The following SCNN1B variants were observed in gnomAD, a reference collection of about 807,000 sequenced individuals.
The protein encoded by SCNN1B is epithelial sodium channel subunit beta.
Under a neutral mutation model 65.3 loss-of-function variants are expected in SCNN1B, and 46 were observed. The ratio of observed to expected loss-of-function variants is 0.70; its 90% CI spans 0.56 to 0.90. The LOEUF (loss-of-function observed/expected upper bound fraction) is 0.90. Ranked by LOEUF, SCNN1B falls within the 40% of genes least tolerant of loss-of-function variation. The pLI is 0.00. For synonymous variants in SCNN1B, 349 were observed against 330.6 expected, an observed-to-expected ratio of 1.06 and a Z score of -0.60; for missense variants, 751 against 830.5, an observed-to-expected ratio of 0.90 and a Z score of 1.18.
At chr16:23,282,090 A>G (rs190660223) in intron 1 of SCNN1B, among the ~76,000 whole-genome samples, 1 of 152,098 alleles carries the variant, frequency 6.6e-6, no homozygotes, top group Non-Finnish European at 1.5e-5. Context: ...TGGGAAAGGG[A>G]TGAAGGATGG....
Position 23,380,208 on chromosome 16 carries a change from G to A in SCNN1B, c.1542+39G>A, listed in dbSNP as rs368017357. 6.4e-7 allele frequency: 1 copy of A among 1,571,966 alleles called. No individual in the cohort carries two copies. The highest frequency in any genetic ancestry group is 1.4e-5 in the African/African-American group (1 of 73,974). Reference sequence around the variant, plus strand: ...TCTCCCAATACCCCAGCCCTGCCCTGCCCTGACCCCTGCACCCTGAGGGTG... The same window carrying A: ...TCTCCCAATACCCCAGCCCTGCCCTACCCTGACCCCTGCACCCTGAGGGTG... On this transcript the variant is annotated intron_variant, in intron 12 of 12. Transcript: ENST00000343070. This position sits in a 1 kb window ranked among gnomAD's most constrained non-coding sequence, Gnocchi z 5.4.
At chr16:23,282,731 T>C (rs1026640774) in intron 1 of SCNN1B, among the ~76,000 whole-genome samples, 9 of 152,210 alleles carry the variant, frequency 5.9e-5, no homozygotes, top group Non-Finnish European at 1.3e-4. Context: ...CCCCCTTCCA[T>C]GGCAACAACC....
rs11399911 is a variant in SCNN1B at position 23,365,620 on chromosome 16, A to AGAGAGAGAGAGAAAGAAAGAAAGAAAG, written c.777-2236_777-2235insGAGAGAGAGAGAAAGAAAGAAAGAAAG. ...AAGAAAGAAAGAAAGAAAGAAAGAAAAAAGAAAGAAGTCACATCTTGGAAG... is the reference window on the plus strand; with the variant it reads ...AAGAAAGAAAGAAAGAAAGAAAGAAAGAGAGAGAGAGAAAGAAAGAAAGAAAGAAAGAAAGAAGTCACATCTTGGAAG... On this transcript the variant is annotated intron_variant, in intron 4 of 12. Coordinates refer to ENST00000343070, the MANE Select transcript of SCNN1B (RefSeq NM_000336.3). 5.5e-3 allele frequency among the ~76,000 whole-genome samples: 442 copies of AGAGAGAGAGAGAAAGAAAGAAAGAAAG among 80,492 alleles called. 8 individuals carry two copies. The highest frequency in any genetic ancestry group is 0.017 in the South Asian group (37 of 2,198). 52.8% of individuals were successfully genotyped at this position (80,492 alleles called of 152,430 possible).
chr16:23,377,172 C>T lies in SCNN1B; in HGVS notation c.1278C>T (p.Cys426=). ...NNRDFPDWAH[C]YSDLQMSVAQ... ...TTTCTGTCTCCTGCGCAGCCCATTGCTACTCAGATCTACAGATGAGCGTGG... is the reference window on the plus strand; with the variant it reads ...TTTCTGTCTCCTGCGCAGCCCATTGTTACTCAGATCTACAGATGAGCGTGG... The change falls in exon 9 of 13, where the codon TGC becomes TGT. Residue 426 remains cysteine (C), a synonymous_variant. Coordinates refer to ENST00000343070, the MANE Select transcript of SCNN1B (RefSeq NM_000336.3). 1 of 1,614,120 alleles carries T rather than the reference C, an allele frequency of 6.2e-7. No homozygotes were observed. The highest frequency in any genetic ancestry group is 8.5e-7 in the Non-Finnish European group (1 of 1,179,992).
At chr16:23,293,086 G>C (rs1325481645) in intron 2 of SCNN1B, among the ~76,000 whole-genome samples, 1 of 123,602 alleles carries the variant, frequency 8.1e-6, no homozygotes, top group Non-Finnish European at 1.6e-5. Flanking sequence ...CTGTACTCCA[G>C]TCTGGGCAAT....
intron 1 of SCNN1B, among the ~76,000 whole-genome samples, chr16:23,318,829 G>T (rs1961527053): frequency 6.6e-6 from 1 of 152,194 alleles, no homozygotes; most frequent in Non-Finnish European, 1.5e-5. Context: ...CTGAAATCCT[G>T]CCAGCATCAT....
upstream of SCNN1B, among the ~76,000 whole-genome samples, chr16:23,299,961 A>G (rs1263259018): frequency 3.9e-5 from 6 of 152,230 alleles, no homozygotes. Flanking sequence ...TCAATGATAG[A>G]CTGGATAAAG....
At chr16:23,337,201 G>GC (rs1336103503) in intron 1 of SCNN1B, among the ~76,000 whole-genome samples, 1 of 151,882 alleles carries the variant, frequency 6.6e-6, no homozygotes, top group East Asian at 1.9e-4. Flanking sequence ...ACAGGCACAT[G>GC]CCACCACATT....
At chr16:23,288,125 C>A (rs753785464) in intron 2 of SCNN1B, among the ~76,000 whole-genome samples, 4 of 152,048 alleles carry the variant, frequency 2.6e-5, no homozygotes, top group Non-Finnish European at 4.4e-5. Context: ...TTTACTCCAG[C>A]CTGTGTGACA....
chr16:23,355,252 C>A lies in SCNN1B; in HGVS notation c.586-47C>A, dbSNP rs35262112. The A allele has an allele frequency of 3.1e-6, 5 of 1,594,994 alleles. No homozygotes were observed. In the South Asian group the frequency reaches 5.5e-5, roughly 18 times the overall value. The stretch of plus-strand genomic sequence containing the variant: ...CCCTCGAGCAGTGGCTGGGGTCCTG[C>A]TAGCAGCTCCCACGCCACCCACAAA... On this transcript the variant is annotated intron_variant, in intron 3 of 12. Transcript: ENST00000343070.
At chr16:23,343,639 G>GAAAA in intron 1 of SCNN1B, among the ~76,000 whole-genome samples, 1 of 99,586 alleles carries the variant, frequency 1.0e-5, no homozygotes, top group East Asian at 3.2e-4. Flanking sequence ...AAGAAAGAAA[G>GAAAA]AAAGAAAGAA....
At chr16:23,374,993 C>T (rs533788609) in intron 7 of SCNN1B, among the ~76,000 whole-genome samples, 1 of 152,238 alleles carries the variant, frequency 6.6e-6, no homozygotes, top group South Asian at 2.1e-4. Context: ...CCTCAGCACC[C>T]TGTTTCACCT....
intron 4 of SCNN1B, among the ~76,000 whole-genome samples, chr16:23,357,930 A>T (rs1962454100): frequency 6.6e-6 from 1 of 152,250 alleles, no homozygotes; most frequent in Non-Finnish European, 1.5e-5. Flanking sequence ...TCACCCGCTC[A>T]GCTGAAAGAG....
intron 4 of SCNN1B, among the ~76,000 whole-genome samples, chr16:23,359,751 G>C (rs960078396): frequency 4.6e-5 from 7 of 152,216 alleles, no homozygotes; most frequent in Admixed American, 3.9e-4. Flanking sequence ...TATGTGACTG[G>C]GCATGCTACT....
intron 4 of SCNN1B, among the ~76,000 whole-genome samples, chr16:23,362,182 T>C (rs1962566832): frequency 6.6e-6 from 1 of 151,826 alleles, no homozygotes; most frequent in Admixed American, 6.6e-5. Context: ...CCATCTCTAC[T>C]AAAAATACAA....
In SCNN1B at chr16:23,380,204, CCCT is replaced by C. The variant is rs1240048531; in HGVS notation, c.1542+36_1542+38del. On this transcript the variant is annotated intron_variant, in intron 12 of 12. Transcript: ENST00000343070. The surrounding 1 kb of genome is among the most constrained non-coding windows in gnomAD (Gnocchi z 5.4). ...GGAGTCTCCCAATACCCCAGCCCTGCCCTGCCCTGACCCCTGCACCCTGAGGGT... is the reference window on the plus strand; with the variant it reads ...GGAGTCTCCCAATACCCCAGCCCTGCGCCCTGACCCCTGCACCCTGAGGGT... 6.3e-7 allele frequency: 1 copy of C among 1,579,710 alleles called. No individual in the cohort carries two copies. Among genetic ancestry groups the C allele is most frequent in the African/African-American group, 1.3e-5 (1 of 74,200 alleles).
At chr16:23,375,475 G>T (rs926687698) in intron 7 of SCNN1B, among the ~76,000 whole-genome samples, 2 of 152,170 alleles carry the variant, frequency 1.3e-5, no homozygotes, top group Admixed American at 1.3e-4. Flanking sequence ...GCTCTGAATG[G>T]TGGGACCTGG....
chr16:23,343,562 A>G (rs1225733246), intron 1 of SCNN1B, among the ~76,000 whole-genome samples: 1 of 148,402 alleles, frequency 6.7e-6, no homozygotes, highest in Non-Finnish European at 1.5e-5. Context: ...GAAGGAAGGA[A>G]AAAAGAAAGA....
At chr16:23,286,477 T>C (rs1203766232) in intron 2 of SCNN1B, among the ~76,000 whole-genome samples, 3 of 152,248 alleles carry the variant, frequency 2.0e-5, no homozygotes, top group African/African-American at 7.2e-5. Flanking sequence ...AATCTTAGCT[T>C]CGCTAATGAG....
Sources: allele counts gnomAD v4.1 joint callset (sites outside exome capture counted in the v4.1 genomes callset), GRCh38; gene constraint gnomAD v4.1.1; non-coding constraint Gnocchi (gnomAD v3.1); transcripts MANE v1.5; gene names NCBI Gene and HGNC (gene_info 2026-07-23, HGNC 2026-07-21).